The following PEAR1 variants were observed in gnomAD, a reference collection of about 807,000 sequenced individuals.
PEAR1 encodes the protein multiple EGF-like domains protein 12.
PEAR1 carries 113 observed loss-of-function variants against 131.2 expected under a neutral mutation model. The ratio of observed to expected loss-of-function variants is 0.86; its 90% CI spans 0.74 to 1.01. The LOEUF is 1.01. Among genes scored for constraint, PEAR1 ranks in the 50% least tolerant of loss-of-function variants. The probability of loss-of-function intolerance (pLI) is 0.00; values close to 1 mark genes in which losing one functional copy is unlikely to be tolerated. For missense variants in PEAR1, 1,408 were observed against 1,391.1 expected, an observed-to-expected ratio of 1.01 and a Z score of -0.19; for synonymous variants, 565 against 523.3, an observed-to-expected ratio of 1.08 and a Z score of -1.09.
At chr1:156,913,811 C>G in intron 21 of PEAR1, 41 bp from the exon 22 acceptor site, 4 of 1,611,192 alleles carry the variant, frequency 2.5e-6, no homozygotes, top group Non-Finnish European at 3.4e-6. Context: ...GCTGAGGAAC[C>G]AGTGCCTCCA....
chr1:156,913,330 A>G (rs371906082), intron 19 of PEAR1, 48 bp downstream of exon 19: 6 of 1,600,026 alleles, frequency 3.7e-6, no homozygotes, highest in Non-Finnish European at 5.1e-6. Flanking sequence ...CGCACAGACC[A>G]GCTTCTCTGG....
At position 156,912,601 on chromosome 1, in the gene PEAR1, A is replaced by G. The variant is rs1159349183; in HGVS notation, c.2188A>G (p.Ser730Gly). 1.9e-6 allele frequency: 3 copies of G among 1,613,764 alleles called. No individual in the cohort carries two copies. The South Asian group carries it at 3.3e-5, about 18-fold the overall frequency. Reference sequence around the variant, plus strand: ...GGCCTGTGTATGTCCCCCAGGGCACAGTGGTGCACCTTGCAGGATTGGTGA... The same window carrying G: ...GGCCTGTGTATGTCCCCCAGGGCACGGTGGTGCACCTTGCAGGATTGGTGA... ...TGACVCPPGHSGAPCRIGIQE... is the reference protein window; with the variant it reads ...TGACVCPPGHGGAPCRIGIQE... Residue 730 changes from serine to glycine, a missense_variant, in exon 17 of 23, where the codon AGT (serine) becomes GGT (glycine). Ser to Gly is a moderately conservative substitution (Grantham distance 56, BLOSUM62 0). Transcript: ENST00000292357.
rs757048498 is a variant in PEAR1 at position 156,903,973 on chromosome 1, G to A, written c.47G>A (p.Arg16Gln). The part of the protein sequence containing the change: ...CPLLLLAVGL[R>Q]LAGTLNPSDP... Reference sequence around the variant, plus strand: ...CTCCTTCTCCTGGCTGTGGGCCTGCGGCTGGCTGGAACTCTCAACCCCAGT... The same window carrying A: ...CTCCTTCTCCTGGCTGTGGGCCTGCAGCTGGCTGGAACTCTCAACCCCAGT... Residue 16 changes from arginine (R) to glutamine (Q), a missense_variant, in exon 2 of 23, where the codon CGG becomes CAG. Transcript: ENST00000292357. 17 of 1,613,934 alleles carry A rather than the reference G, an allele frequency of 1.1e-5. 1 individual carries two copies. The highest frequency in any genetic ancestry group is 5.5e-5 in the South Asian group (5 of 91,078).
chr1:156,899,911 G>T (rs1338495606), intron 1 of PEAR1, among the ~76,000 whole-genome samples: 2 of 152,136 alleles, frequency 1.3e-5, no homozygotes, highest in African/African-American at 4.8e-5. Flanking sequence ...CCCTTCTGCT[G>T]TCTCACTTCC....
At position 156,910,007 on chromosome 1, in the gene PEAR1, AG is replaced by A. The variant is rs1441268058; in HGVS notation, c.1581del (p.Gln528SerfsTer157). 1 of 1,613,664 alleles carries A rather than the reference AG, an allele frequency of 6.2e-7. No individual in the cohort carries two copies. The highest frequency in any genetic ancestry group is 8.5e-7 in the Non-Finnish European group (1 of 1,180,016). On this transcript the variant is annotated frameshift_variant and splice_region_variant, in exon 13 of 23. Transcript: ENST00000292357. LOFTEE classifies it high-confidence loss of function. ...CCTGCTCCCCACTCCTTCTCCAAGA[AG>A]GGGCAGTTTGGAGAAGGTTGTGCCA... Reference protein sequence around the residue: ...HGAHCQLPCPKGQFGEGCASR... With the variant: ...HGAHCQLPCPXGQFGEGCASR...
Position 156,910,670 on chromosome 1 carries a change from C to G in PEAR1, c.1878C>G (p.Asn626Lys). ...GKRCVPCKCA[N>K]HSFCHPSNGT... ...GCTGTGTGCCCTGCAAGTGCGCTAA[C>G]CACTCCTTCTGCCACCCCTCGAACG... Residue 626 changes from asparagine to lysine, a missense_variant, in exon 15 of 23, where the codon AAC (asparagine) becomes AAG (lysine). By Grantham distance (94) the Asn-to-Lys change is moderately conservative. Coordinates refer to ENST00000292357, the MANE Select transcript of PEAR1 (RefSeq NM_001080471.3). 6.2e-7 allele frequency: 1 copy of G among 1,614,184 alleles called. No individual in the cohort carries two copies. Among genetic ancestry groups the G allele is most frequent in the Non-Finnish European group, 8.5e-7 (1 of 1,180,046 alleles).
Position 156,910,253 on chromosome 1 carries a change from C to T in PEAR1, c.1698C>T (p.Ser566=), listed in dbSNP as rs1172538001. 1.2e-6 allele frequency: 2 copies of T among 1,612,514 alleles called. No individual in the cohort carries two copies. The highest frequency in any genetic ancestry group is 1.7e-6 in the Non-Finnish European group (2 of 1,179,226). ...AGWMGARCHL[S]CPEGLWGVNC... The stretch of plus-strand genomic sequence containing the variant: ...CCACAGGTGCCCGCTGCCACCTGTC[C>T]TGCCCTGAGGGCTTATGGGGAGTCA... The change falls in exon 14 of 23, where the codon TCC becomes TCT. Residue 566 remains serine (S), a synonymous_variant. Coordinates refer to ENST00000292357, the MANE Select transcript of PEAR1 (RefSeq NM_001080471.3).
chr1:156,895,660 C>T (rs572604185), intron 1 of PEAR1, among the ~76,000 whole-genome samples: 8 of 152,136 alleles, frequency 5.3e-5, no homozygotes, highest in East Asian at 1.9e-4. Flanking sequence ...ACAAAATGCC[C>T]GGAGGGAGAA....
At chr1:156,900,923 G>C (rs1026122367) in intron 1 of PEAR1, among the ~76,000 whole-genome samples, 11 of 152,170 alleles carry the variant, frequency 7.2e-5, no homozygotes, top group Admixed American at 5.2e-4. Flanking sequence ...TGGCTGGAAG[G>C]GGTTGGGGGA....
rs770984447 is a variant in PEAR1, at chr1:156,914,063, C to T, written c.2925C>T (p.Asp975=). ...GGCGGCAACCCCAGCCACAGAGAGA[C>T]AGTGGCACCTACGAGCAGCCCAGCC... ...QRRRQPQPQR[D]SGTYEQPSPL... Residue 975 remains aspartate (D), a synonymous_variant, in exon 22 of 23, where the codon GAC becomes GAT. Coordinates refer to ENST00000292357, the MANE Select transcript of PEAR1 (RefSeq NM_001080471.3). The T allele has an allele frequency of 3.1e-6, 5 of 1,607,210 alleles. No homozygotes were observed. The highest frequency in any genetic ancestry group is 1.1e-5 in the South Asian group (1 of 89,838).
rs150532926 is a variant in PEAR1 at position 156,903,103 on chromosome 1, T to G, written c.-9-815T>G. On this transcript the variant is annotated intron_variant, in intron 1 of 22. Coordinates refer to ENST00000292357, the MANE Select transcript of PEAR1 (RefSeq NM_001080471.3). ...GTGTCAATAACCCCCCATGCCTGAT[T>G]TCAAGCTACTCACGTGACATCACTG... Among the ~76,000 whole-genome samples, 1,168 of 152,174 alleles carry G rather than the reference T, an allele frequency of 7.7e-3. 7 individuals carry two copies. Among genetic ancestry groups the G allele is most frequent in the Middle Eastern group, 0.017 (5 of 294 alleles).
chr1:156,899,329 T>G (rs945807875), intron 1 of PEAR1, among the ~76,000 whole-genome samples: 2 of 151,720 alleles, frequency 1.3e-5, no homozygotes, highest in South Asian at 2.1e-4. Flanking sequence ...GGAACTAGGG[T>G]TGGTGCTTAG....
rs927238472 is a variant in PEAR1 at position 156,910,101 on chromosome 1, C to A, written c.1671C>A (p.Gly557=). Reference sequence around the variant, plus strand: ...ATGGACGCTGTCAGTGCCAGGCTGGCTGGATGGGTGAGCATTCTGGGGCCC... The same window carrying A: ...ATGGACGCTGTCAGTGCCAGGCTGGATGGATGGGTGAGCATTCTGGGGCCC... ...PVHGRCQCQA[G]WMGARCHLSC... The change falls in exon 13 of 23, where the codon GGC becomes GGA. Residue 557 remains glycine, a synonymous_variant. Coordinates refer to ENST00000292357, the MANE Select transcript of PEAR1 (RefSeq NM_001080471.3). 6.2e-7 allele frequency: 1 copy of A among 1,614,024 alleles called. No homozygotes were observed. The highest frequency in any genetic ancestry group is 1.3e-5 in the African/African-American group (1 of 74,938).
At position 156,906,637 on chromosome 1, in the gene PEAR1, A is replaced by G; in HGVS notation, c.401A>G (p.Glu134Gly). 1 of 1,614,074 alleles carries G rather than the reference A, an allele frequency of 6.2e-7. No homozygotes were observed. The highest frequency in any genetic ancestry group is 8.5e-7 in the Non-Finnish European group (1 of 1,179,998). Residue 134 changes from glutamate to glycine, a missense_variant and splice_region_variant, in exon 6 of 23, where the codon GAG becomes GGG. Glu to Gly is a moderately conservative substitution (Grantham distance 98). Transcript: ENST00000292357. ...CCCTTCCCGCCTCCTTATCCCACAG[A>G]GTGTGCCCCAGGAATGTGGGGGCCA... ...PGWRGDDCSS[E>G]CAPGMWGPQC...
Position 156,914,654 on chromosome 1 carries a change from C to T in PEAR1, c.2970C>T (p.Asp990=), listed in dbSNP as rs1267456992. The part of the protein sequence containing the change: ...EQPSPLIHDR[D]SVGSQPPLPP... Reference sequence around the variant, plus strand: ...TTGTCCTCATGTTTCCAGACCGAGACTCTGTGGGCTCCCAGCCCCCTCTGC... The same window carrying T: ...TTGTCCTCATGTTTCCAGACCGAGATTCTGTGGGCTCCCAGCCCCCTCTGC... The change falls in exon 23 of 23, where the codon GAC becomes GAT. Residue 990 remains aspartate (D), a synonymous_variant. Transcript: ENST00000292357. 1 of 1,611,818 alleles carries T rather than the reference C, an allele frequency of 6.2e-7. No individual in the cohort carries two copies. Among genetic ancestry groups the T allele is most frequent in the Admixed American group, 1.7e-5 (1 of 59,812 alleles).
chr1:156,911,674 C>T (rs1334749093), intron 15 of PEAR1, among the ~76,000 whole-genome samples: 1 of 151,530 alleles, frequency 6.6e-6, no homozygotes, highest in Non-Finnish European at 1.5e-5. Context: ...ATGAGCCTTT[C>T]CCCCACAAAA....
intron 15 of PEAR1, among the ~76,000 whole-genome samples, chr1:156,911,853 C>T (rs1354359739): frequency 1.3e-5 from 2 of 152,134 alleles, no homozygotes; most frequent in Non-Finnish European, 2.9e-5. Context: ...GTTACAACTA[C>T]TATTAGATTA....
At position 156,915,912 on chromosome 1, in the gene PEAR1, G is replaced by T. The variant is rs1357225277; in HGVS notation, c.*1114G>T. The T allele has an allele frequency of 6.6e-6, 1 of 152,228 alleles. No homozygotes were observed. Among genetic ancestry groups the T allele is most frequent in the Non-Finnish European group, 1.5e-5 (1 of 68,058 alleles). 9.4% of individuals were successfully genotyped at this position (152,228 alleles called of 1,614,324 possible). A position where few individuals can be genotyped will look rare whatever the true frequency, so the allele number is the denominator to read the frequency against. ...GCTAAGATAGATGAGCCATCTGTAT[G>T]CTCTGACAGTTACAGACTGAATAAG... is the stretch of plus-strand genomic sequence containing the variant. On this transcript the variant is annotated 3_prime_UTR_variant, in exon 23 of 23. Coordinates refer to ENST00000292357, the MANE Select transcript of PEAR1 (RefSeq NM_001080471.3).
chr1:156,911,466 G>A (rs1472193843), intron 15 of PEAR1, among the ~76,000 whole-genome samples: 4 of 151,446 alleles, frequency 2.6e-5, no homozygotes, highest in African/African-American at 9.7e-5. Flanking sequence ...GTTTAGTAGA[G>A]ACCCCTGGGG....
Sources: allele counts gnomAD v4.1 joint callset (sites outside exome capture counted in the v4.1 genomes callset), GRCh38; gene constraint gnomAD v4.1.1; transcripts MANE v1.5; gene names NCBI Gene and HGNC (gene_info 2026-07-23, HGNC 2026-07-21).